UNC13C: variants seen among roughly 807,000 people sequenced by gnomAD.
UNC13C encodes protein unc-13 homolog C.
In UNC13C, 174 loss-of-function variants were observed where a neutral mutation model predicts 245.4. That is an observed-to-expected ratio of 0.71 (90% CI 0.63 to 0.80). The LOEUF (loss-of-function observed/expected upper bound fraction) is 0.80, where lower values mean the gene tolerates loss of function less well. Ranked by LOEUF, UNC13C falls within the 30% of genes least tolerant of loss-of-function variation. The pLI is 0.00. For synonymous variants in UNC13C, 992 were observed against 895.1 expected, an observed-to-expected ratio of 1.11 and a Z score of -1.93; for missense variants, 2,829 against 2,602.9, an observed-to-expected ratio of 1.09 and a Z score of -1.89.
the UNC13C span, among the ~76,000 whole-genome samples, chr15:53,863,617 G>C: frequency 6.6e-6 from 1 of 152,144 alleles, no homozygotes; most frequent in Non-Finnish European, 1.5e-5. Flanking sequence ...CAATAGACTA[G>C]TATGTAGCCA....
At chr15:54,064,646 G>T (rs1455898363) in intron 2 of UNC13C, among the ~76,000 whole-genome samples, 2 of 152,124 alleles carry the variant, frequency 1.3e-5, no homozygotes, top group Non-Finnish European at 2.9e-5. Context: ...TCCCTCCCCA[G>T]TTTCCGGTGC....
chr15:54,155,998 T>C (rs1275048096), intron 4 of UNC13C, among the ~76,000 whole-genome samples: 2 of 152,214 alleles, frequency 1.3e-5, no homozygotes, highest in African/African-American at 4.8e-5. Flanking sequence ...AGATACTAAA[T>C]ATATTAACCT....
chr15:54,047,711 T>C (rs1157529132), intron 2 of UNC13C, among the ~76,000 whole-genome samples: 1 of 152,176 alleles, frequency 6.6e-6, no homozygotes, highest in Non-Finnish European at 1.5e-5. Flanking sequence ...AACTTTGGCT[T>C]ATAAGTATCT....
intron 4 of UNC13C, among the ~76,000 whole-genome samples, chr15:54,225,817 GC>G (rs2035365770): frequency 6.6e-6 from 1 of 152,108 alleles, no homozygotes; most frequent in Non-Finnish European, 1.5e-5. Flanking sequence ...TTGCCTGATT[GC>G]CCTGGCCAGA....
At chr15:54,599,677 T>C (rs773020433) in intron 30 of UNC13C, among the ~76,000 whole-genome samples, 2 of 152,078 alleles carry the variant, frequency 1.3e-5, no homozygotes, top group Non-Finnish European at 2.9e-5. Flanking sequence ...TTTTTAGGAA[T>C]TTCCTTTAAG....
intron 17 of UNC13C, among the ~76,000 whole-genome samples, chr15:54,356,290 A>G (rs904640685): frequency 2.0e-5 from 3 of 152,248 alleles, no homozygotes; most frequent in African/African-American, 7.2e-5. Context: ...TGGGAATTTT[A>G]GTAGATACCA....
chr15:53,906,488 C>T, the UNC13C span, among the ~76,000 whole-genome samples: 1 of 152,182 alleles, frequency 6.6e-6, no homozygotes, highest in Non-Finnish European at 1.5e-5. Flanking sequence ...ATCTGTCTAG[C>T]AACTATTCTT....
chr15:54,056,166 T>G (rs921112708), intron 2 of UNC13C, among the ~76,000 whole-genome samples: 1 of 152,034 alleles, frequency 6.6e-6, no homozygotes, highest in African/African-American at 2.4e-5. Flanking sequence ...TACTCCGAGC[T>G]AAAGGAGGAA....
At chr15:54,623,635 T>C (rs1355590584) in intron 31 of UNC13C, among the ~76,000 whole-genome samples, 160 bp from the exon 32 acceptor site, 2 of 152,196 alleles carry the variant, frequency 1.3e-5, no homozygotes, top group African/African-American at 4.8e-5. Context: ...CAGGTGTGCC[T>C]TCCAGAAAGA....
intron 19 of UNC13C, among the ~76,000 whole-genome samples, chr15:54,421,326 A>C (rs2140960175): frequency 6.6e-6 from 1 of 152,142 alleles, no homozygotes; most frequent in African/African-American, 2.4e-5. Flanking sequence ...TACTAGAAGA[A>C]TGCTAAATAG....
chr15:54,265,908 C>T (rs1408815714), intron 10 of UNC13C, among the ~76,000 whole-genome samples: 3 of 151,990 alleles, frequency 2.0e-5, no homozygotes. Context: ...GGGGTGGAAC[C>T]ATATCTACAT....
At chr15:54,333,399 G>T (rs1596237647) in intron 15 of UNC13C, among the ~76,000 whole-genome samples, 1 of 152,038 alleles carries the variant, frequency 6.6e-6, no homozygotes, top group African/African-American at 2.4e-5. Context: ...TTAAAAAGTA[G>T]TTATCTTGAG....
chr15:54,050,782 A>G (rs921075440), intron 2 of UNC13C: 2 of 588,534 alleles, frequency 3.4e-6, no homozygotes, highest in Non-Finnish European at 6.6e-6. Context: ...GGTGATCATC[A>G]CTATATGAAT....
chr15:54,017,809 G>A (rs998006618), intron 2 of UNC13C, among the ~76,000 whole-genome samples: 4 of 152,058 alleles, frequency 2.6e-5, no homozygotes, highest in Non-Finnish European at 5.9e-5. Context: ...ATAAAACCAC[G>A]GATAAAACAA....
chr15:54,384,692 C>T (rs1190332822), intron 17 of UNC13C, among the ~76,000 whole-genome samples: 1 of 151,980 alleles, frequency 6.6e-6, no homozygotes, highest in Non-Finnish European at 1.5e-5. Flanking sequence ...AGCTTCTGCA[C>T]AACAGAGAAA....
intron 11 of UNC13C, among the ~76,000 whole-genome samples, chr15:54,294,620 G>C (rs56116100): frequency 6.6e-6 from 1 of 152,018 alleles, no homozygotes; most frequent in East Asian, 1.9e-4. Flanking sequence ...AATTAAATAA[G>C]GTAAGTTTTA....
intron 8 of UNC13C, among the ~76,000 whole-genome samples, chr15:54,261,929 T>C (rs1477079321): frequency 6.6e-6 from 1 of 152,212 alleles, no homozygotes; most frequent in East Asian, 1.9e-4. Flanking sequence ...TAACCTGCTG[T>C]CCACCGATTG....
At chr15:54,186,612 A>G (rs1016008961) in intron 4 of UNC13C, among the ~76,000 whole-genome samples, 4 of 152,008 alleles carry the variant, frequency 2.6e-5, no homozygotes, top group African/African-American at 9.7e-5. Context: ...ATATTATAAC[A>G]GAAAAAAATC....
intron 26 of UNC13C, among the ~76,000 whole-genome samples, chr15:54,536,496 T>C (rs1335928665): frequency 2.0e-5 from 3 of 152,072 alleles, no homozygotes; most frequent in African/African-American, 7.2e-5. Flanking sequence ...GCCAGCATCA[T>C]TCTGATACTA....
Sources: gnomAD v4.1 joint callset for allele counts (sites outside exome capture counted in the v4.1 genomes callset) on GRCh38, gnomAD v4.1.1 for gene constraint, MANE v1.5 for transcripts, NCBI Gene and HGNC (gene_info 2026-07-23, HGNC 2026-07-21) for gene names.